The following OSBPL3 variants were observed in gnomAD, a reference collection of about 807,000 sequenced individuals.
The protein encoded by OSBPL3 is oxysterol-binding protein-related protein 3.
A neutral mutation model predicts 120.1 loss-of-function variants in OSBPL3; 65 were observed. The ratio of observed to expected loss-of-function variants is 0.54; its 90% CI spans 0.44 to 0.67. The LOEUF is 0.67. Ranked by LOEUF, OSBPL3 falls within the 30% of genes least tolerant of loss-of-function variation. OSBPL3 has a pLI of 0.00. For missense variants in OSBPL3, 1,004 were observed against 1,082.1 expected (o/e 0.93, Z 1.01); for synonymous variants, 416 against 402.6 (o/e 1.03, Z -0.40).
rs1242411904 is a variant in OSBPL3, at chr7:24,833,339, G to A, written c.1746+1147C>T. Among the ~76,000 whole-genome samples the A allele has an allele frequency of 6.6e-6, 1 of 152,180 alleles. No individual in the cohort carries two copies. Among genetic ancestry groups the A allele is most frequent in the Non-Finnish European group, 1.5e-5 (1 of 68,018 alleles). ...GGTAGGACTGCACCGCTGCACTCCA[G>A]CCTGGGTGACAAAGACCCTGACTCA... On this transcript the variant is annotated intron_variant, in intron 15 of 22. Coordinates refer to ENST00000313367, the MANE Select transcript of OSBPL3 (RefSeq NM_015550.4). This position sits in a 1 kb window ranked among gnomAD's most constrained non-coding sequence, Gnocchi z 4.4.
In OSBPL3 at chr7:24,877,111, T is replaced by G. The variant is rs925279693; in HGVS notation, c.97-5042A>C. On this transcript the variant is annotated intron_variant, in intron 2 of 22. Coordinates refer to ENST00000313367, the MANE Select transcript of OSBPL3 (RefSeq NM_015550.4). This position sits in a 1 kb window ranked among gnomAD's most constrained non-coding sequence, Gnocchi z 4.8. ...AAGCCACCTGACTGCAGAACTTACA[T>G]TTTTAATCATTCTGTCACATATTAT... Among the ~76,000 whole-genome samples, 1 of 152,220 alleles carries G rather than the reference T, an allele frequency of 6.6e-6. No individual in the cohort carries two copies. Among genetic ancestry groups the G allele is most frequent in the Non-Finnish European group, 1.5e-5 (1 of 68,044 alleles).
intron 1 of OSBPL3, among the ~76,000 whole-genome samples, chr7:24,895,926 T>C (rs547085243): frequency 3.2e-4 from 49 of 152,296 alleles, no homozygotes; most frequent in African/African-American, 1.1e-3. Context: ...CAAATACTCA[T>C]ATAATCATCA....
At chr7:24,974,721 T>C (rs575698103) in intron 1 of OSBPL3, among the ~76,000 whole-genome samples, 1 of 152,248 alleles carries the variant, frequency 6.6e-6, no homozygotes, top group East Asian at 1.9e-4. Flanking sequence ...GAAAACAACA[T>C]ACTAGGTGAA....
chr7:24,952,089 C>T lies in OSBPL3; in HGVS notation c.-150+27797G>A, dbSNP rs1457362592. Reference sequence around the variant, plus strand: ...AATGAATGTAGAGGGGCCTCCCCACCGGCCATTCTTTCAAGCTTCAAAAAA... The same window carrying T: ...AATGAATGTAGAGGGGCCTCCCCACTGGCCATTCTTTCAAGCTTCAAAAAA... On this transcript the variant is annotated intron_variant, in intron 1 of 22. Transcript: ENST00000313367. This position sits in a 1 kb window ranked among gnomAD's most constrained non-coding sequence, Gnocchi z 4.4. 2.6e-5 allele frequency among the ~76,000 whole-genome samples: 4 copies of T among 152,092 alleles called. No individual in the cohort carries two copies. Among genetic ancestry groups the T allele is most frequent in the African/African-American group, 7.2e-5 (3 of 41,416 alleles).
At chr7:24,885,836 A>G (rs1804446674) in intron 2 of OSBPL3, among the ~76,000 whole-genome samples, 1 of 151,806 alleles carries the variant, frequency 6.6e-6, no homozygotes, top group Admixed American at 6.6e-5. Context: ...ATAAAACTCA[A>G]GGCTATAGGA....
chr7:24,926,232 C>T (rs768472305), intron 1 of OSBPL3, among the ~76,000 whole-genome samples: 2 of 152,128 alleles, frequency 1.3e-5, no homozygotes, highest in Non-Finnish European at 2.9e-5. Flanking sequence ...TCAGTTTGAA[C>T]GTGTAGGGTT....
At position 24,808,876 on chromosome 7, in the gene OSBPL3, C is replaced by A. The variant is rs1471603493; in HGVS notation, c.2317+931G>T. Among the ~76,000 whole-genome samples, 3 of 152,144 alleles carry A rather than the reference C, an allele frequency of 2.0e-5. No individual in the cohort carries two copies. Among genetic ancestry groups the A allele is most frequent in the Non-Finnish European group, 4.4e-5 (3 of 68,028 alleles). On this transcript the variant is annotated intron_variant, in intron 20 of 22. Coordinates refer to ENST00000313367, the MANE Select transcript of OSBPL3 (RefSeq NM_015550.4). This position sits in a 1 kb window ranked among gnomAD's most constrained non-coding sequence, Gnocchi z 4.6. Reference sequence around the variant, plus strand: ...AAATGTTCCTGAGAAAAGAGAGGCACGAGAGAGGAAAGCTCTTTTGTCCTC... The same window carrying A: ...AAATGTTCCTGAGAAAAGAGAGGCAAGAGAGAGGAAAGCTCTTTTGTCCTC...
At position 24,968,083 on chromosome 7, in the gene OSBPL3, T is replaced by A. The variant is rs1045998863; in HGVS notation, c.-150+11803A>T. On this transcript the variant is annotated intron_variant, in intron 1 of 22. Transcript: ENST00000313367. This position sits in a 1 kb window ranked among gnomAD's most constrained non-coding sequence, Gnocchi z 4.6. ...GGAATAATATTCAAAAGGTATAATT[T>A]CAACTTCACACCTATCCTGCCTTCC... Among the ~76,000 whole-genome samples the A allele has an allele frequency of 6.6e-6, 1 of 152,246 alleles. No individual in the cohort carries two copies. The highest frequency in any genetic ancestry group is 1.5e-5 in the Non-Finnish European group (1 of 68,044).
chr7:24,939,412 A>G lies in OSBPL3; in HGVS notation c.-150+40474T>C, dbSNP rs1812819969. ...AAATCCTGACAATTCTAAACCTATC[A>G]GGTAAAATCCCATTTCCCCTTGCTA... On this transcript the variant is annotated intron_variant, in intron 1 of 22. Coordinates refer to ENST00000313367, the MANE Select transcript of OSBPL3 (RefSeq NM_015550.4). This position sits in a 1 kb window ranked among gnomAD's most constrained non-coding sequence, Gnocchi z 4.2. 1.3e-5 allele frequency among the ~76,000 whole-genome samples: 2 copies of G among 152,248 alleles called. No homozygotes were observed. Among genetic ancestry groups the G allele is most frequent in the Admixed American group, 1.3e-4 (2 of 15,288 alleles).
Position 24,933,532 on chromosome 7 carries a change from G to A in OSBPL3, c.-149-40911C>T, listed in dbSNP as rs1812041644. Among the ~76,000 whole-genome samples, 1 of 152,154 alleles carries A rather than the reference G, an allele frequency of 6.6e-6. No individual in the cohort carries two copies. Among genetic ancestry groups the A allele is most frequent in the Non-Finnish European group, 1.5e-5 (1 of 68,032 alleles). ...AAACTTTATTAACAGTCTCAAGCTA[G>A]TCTAAACCCCAAACAAGATTCACCC... On this transcript the variant is annotated intron_variant, in intron 1 of 22. Transcript: ENST00000313367. This position sits in a 1 kb window ranked among gnomAD's most constrained non-coding sequence, Gnocchi z 5.1.
At chr7:24,904,933 G>GTGTA (rs1454976075) in intron 1 of OSBPL3, among the ~76,000 whole-genome samples, 2 of 150,464 alleles carry the variant, frequency 1.3e-5, no homozygotes, top group Non-Finnish European at 3.0e-5. Flanking sequence ...GTGTGTGTGT[G>GTGTA]TGTGTGTGTG....
At chr7:24,978,696 T>A (rs539716679) in intron 1 of OSBPL3, among the ~76,000 whole-genome samples, 2 of 152,322 alleles carry the variant, frequency 1.3e-5, no homozygotes, top group South Asian at 4.1e-4. Context: ...TGTGGAAGTA[T>A]CTCTTTTGCA....
intron 1 of OSBPL3, among the ~76,000 whole-genome samples, chr7:24,905,976 G>A (rs1807849528): frequency 6.6e-6 from 1 of 152,098 alleles, no homozygotes; most frequent in South Asian, 2.1e-4. Flanking sequence ...ATGTTGCTGT[G>A]AGCTGAGATT....
chr7:24,800,724 T>C (rs1792216480), intron 22 of OSBPL3, among the ~76,000 whole-genome samples: 1 of 152,178 alleles, frequency 6.6e-6, no homozygotes, highest in Non-Finnish European at 1.5e-5. Flanking sequence ...CCCAAAGTGC[T>C]GGGATTACAG....
chr7:24,980,386 A>G (rs1391080657), upstream of OSBPL3, among the ~76,000 whole-genome samples: 1 of 151,776 alleles, frequency 6.6e-6, no homozygotes, highest in South Asian at 2.1e-4. Flanking sequence ...CGGCGGGGGA[A>G]CTAGGGACCC....
At chr7:24,865,229 G>A in intron 7 of OSBPL3, 113 bp downstream of exon 7, 1 of 1,118,532 alleles carries the variant, frequency 8.9e-7, no homozygotes, top group Admixed American at 2.2e-5. Flanking sequence ...GCAAAATATG[G>A]AAGGGAATGT....
chr7:24,895,519 G>A (rs1310197455), intron 1 of OSBPL3, among the ~76,000 whole-genome samples: 1 of 152,114 alleles, frequency 6.6e-6, no homozygotes. Flanking sequence ...CTTAAGCGAC[G>A]CATGACTACT....
In OSBPL3 at chr7:24,897,620, C is replaced by T. The variant is rs187354375; in HGVS notation, c.-149-4999G>A. The stretch of plus-strand genomic sequence containing the variant: ...GATTACAGGCGTGAGCCACCGCGCC[C>T]GGCCAGATGGCAGAATCTTAAAACA... On this transcript the variant is annotated intron_variant, in intron 1 of 22. Coordinates refer to ENST00000313367, the MANE Select transcript of OSBPL3 (RefSeq NM_015550.4). 4.1e-4 allele frequency among the ~76,000 whole-genome samples: 63 copies of T among 152,220 alleles called. 3 individuals carry two copies. In the East Asian group the frequency reaches 8.1e-3, roughly 20 times the overall value.
intron 1 of OSBPL3, among the ~76,000 whole-genome samples, chr7:24,911,564 G>A (rs1235715490): frequency 2.0e-5 from 3 of 152,156 alleles, no homozygotes; most frequent in Non-Finnish European, 4.4e-5. Context: ...TGTATCAGAT[G>A]TACACACTTC....
Sources: gnomAD v4.1 joint callset for allele counts (sites outside exome capture counted in the v4.1 genomes callset) on GRCh38, gnomAD v4.1.1 for gene constraint, Gnocchi (gnomAD v3.1) non-coding constraint, MANE v1.5 for transcripts, NCBI Gene and HGNC (gene_info 2026-07-23, HGNC 2026-07-21) for gene names.